Variants in ITFG1 observed in about 807,000 individuals in gnomAD.
ITFG1 encodes integrin alpha FG-GAP repeat containing 1.
Under a neutral mutation model 81.8 loss-of-function variants are expected in ITFG1, and 34 were observed. That is an observed-to-expected ratio of 0.42 (90% confidence interval 0.32 to 0.55). ITFG1 has a LOEUF of 0.55. Ranked by LOEUF, ITFG1 falls within the 20% of genes least tolerant of loss-of-function variation. The pLI is 0.17. For synonymous variants in ITFG1, 285 were observed against 270.6 expected (o/e 1.05, Z -0.52); for missense variants, 672 against 755.4 (o/e 0.89, Z 1.29).
intron 6 of ITFG1, among the ~76,000 whole-genome samples, chr16:47,399,296 G>A (rs990674771): frequency 6.6e-6 from 1 of 152,154 alleles, no homozygotes; most frequent in Non-Finnish European, 1.5e-5. Context: ...GAAAGTGGCC[G>A]GGTGCAGTGG....
chr16:47,368,012 C>A (rs898906368), intron 7 of ITFG1, among the ~76,000 whole-genome samples: 1 of 151,794 alleles, frequency 6.6e-6, no homozygotes, highest in Non-Finnish European at 1.5e-5. Context: ...TCGAGGCGGG[C>A]GGATCAGGTC....
chr16:47,455,050 G>C (rs1302485085), intron 2 of ITFG1, among the ~76,000 whole-genome samples: 1 of 152,074 alleles, frequency 6.6e-6, no homozygotes, highest in African/African-American at 2.4e-5. Context: ...TACAGTAATG[G>C]GTAAGGTTTT....
At chr16:47,273,332 T>C (rs1422158284) in intron 10 of ITFG1, among the ~76,000 whole-genome samples, 1 of 152,100 alleles carries the variant, frequency 6.6e-6, no homozygotes, top group African/African-American at 2.4e-5. Context: ...ATAAGTCCAT[T>C]AGGAATCCTC....
intron 10 of ITFG1, 54 bp from the exon 11 acceptor site, chr16:47,260,749 C>T (rs1246898006): frequency 5.7e-6 from 9 of 1,566,708 alleles, no homozygotes; most frequent in African/African-American, 5.4e-5. Context: ...ACTGTGGCAT[C>T]GGCTCTGTAG....
chr16:47,390,749 C>A (rs908984375), intron 6 of ITFG1, among the ~76,000 whole-genome samples: 2 of 152,068 alleles, frequency 1.3e-5, no homozygotes, highest in East Asian at 1.9e-4. Flanking sequence ...AGTGAGTGAC[C>A]GTGCCCGGCC....
At chr16:47,275,560 T>A (rs1415314745) in intron 10 of ITFG1, among the ~76,000 whole-genome samples, 1 of 152,100 alleles carries the variant, frequency 6.6e-6, no homozygotes, top group Non-Finnish European at 1.5e-5. Context: ...CTGTAGGAGA[T>A]CAATATATAA....
chr16:47,353,201 A>T (rs1354321225), intron 8 of ITFG1, among the ~76,000 whole-genome samples: 1 of 152,190 alleles, frequency 6.6e-6, no homozygotes, highest in Non-Finnish European at 1.5e-5. Context: ...CTAGAACTTA[A>T]AGTATAATTA....
intron 5 of ITFG1, among the ~76,000 whole-genome samples, chr16:47,447,041 C>T (rs910644547): frequency 1.3e-5 from 2 of 151,742 alleles, no homozygotes; most frequent in African/African-American, 4.8e-5. Flanking sequence ...TTTTCTTTTT[C>T]TTTGTATGTA....
intron 13 of ITFG1, among the ~76,000 whole-genome samples, chr16:47,234,590 A>G (rs1378464603): frequency 6.6e-6 from 1 of 152,208 alleles, no homozygotes; most frequent in East Asian, 1.9e-4. Context: ...TATTGAAAAA[A>G]TCTATACCCA....
intron 7 of ITFG1, among the ~76,000 whole-genome samples, chr16:47,373,546 G>T (rs946700168): frequency 6.6e-6 from 1 of 152,194 alleles, no homozygotes; most frequent in Non-Finnish European, 1.5e-5. Context: ...CTCCCAAAGT[G>T]ATGGGATTAC....
intron 10 of ITFG1, among the ~76,000 whole-genome samples, chr16:47,289,200 T>C (rs953674700): frequency 2.6e-5 from 4 of 152,204 alleles, no homozygotes; most frequent in Non-Finnish European, 4.4e-5. Flanking sequence ...TGGGATAAAT[T>C]CACTTTGAAC....
At chr16:47,159,220 G>T (rs1453580445) in intron 16 of ITFG1, among the ~76,000 whole-genome samples, 1 of 152,108 alleles carries the variant, frequency 6.6e-6, no homozygotes, top group African/African-American at 2.4e-5. Flanking sequence ...AACTGAAATA[G>T]AATTTTTGAT....
intron 5 of ITFG1, among the ~76,000 whole-genome samples, chr16:47,434,358 A>G (rs1197554198): frequency 6.9e-6 from 1 of 145,032 alleles, no homozygotes; most frequent in Non-Finnish European, 1.5e-5. Flanking sequence ...AATTTACAAG[A>G]AAAAAAAAAA....
chr16:47,183,216 A>AT (rs1405674341), intron 14 of ITFG1, among the ~76,000 whole-genome samples: 1 of 152,230 alleles, frequency 6.6e-6, no homozygotes, highest in Non-Finnish European at 1.5e-5. Flanking sequence ...GGTGCCCACC[A>AT]TTGCCCAGGC....
At position 47,314,099 on chromosome 16, in the gene ITFG1, C is replaced by T. The variant is rs534458685; in HGVS notation, c.803-276G>A. 9.9e-5 allele frequency among the ~76,000 whole-genome samples: 15 copies of T among 152,218 alleles called. 1 individual carries two copies. Among genetic ancestry groups the T allele is most frequent in the South Asian group, 6.2e-4 (3 of 4,820 alleles). ...GGCAAGGGCTGAAAAACTACTGGGTCCTATGCTATCTGGGTGATGGGATCA... is the reference window on the plus strand; with the variant it reads ...GGCAAGGGCTGAAAAACTACTGGGTTCTATGCTATCTGGGTGATGGGATCA... On this transcript the variant is annotated intron_variant, in intron 8 of 17. Transcript: ENST00000320640.
intron 10 of ITFG1, among the ~76,000 whole-genome samples, chr16:47,266,363 G>A (rs1033500552): frequency 1.3e-5 from 2 of 152,002 alleles, no homozygotes; most frequent in East Asian, 1.9e-4. Flanking sequence ...AATTACAGGC[G>A]CCTGCAATCA....
At chr16:47,380,438 A>C (rs1968381965) in intron 6 of ITFG1, among the ~76,000 whole-genome samples, 3 of 152,180 alleles carry the variant, frequency 2.0e-5, no homozygotes, top group Admixed American at 2.0e-4. Context: ...CTACGCCAAA[A>C]AGTAAGGTTA....
chr16:47,322,332 C>T (rs569779422), intron 8 of ITFG1, among the ~76,000 whole-genome samples: 2 of 152,186 alleles, frequency 1.3e-5, no homozygotes, highest in East Asian at 1.9e-4. Flanking sequence ...TTTGTAAAAA[C>T]AATTATTAAT....
intron 14 of ITFG1, among the ~76,000 whole-genome samples, chr16:47,207,144 G>A (rs1411032948): frequency 6.6e-6 from 1 of 151,962 alleles, no homozygotes; most frequent in Non-Finnish European, 1.5e-5. Context: ...GTGCAGTGGC[G>A]CCATCTCGGC....
Sources: allele counts gnomAD v4.1 joint callset (sites outside exome capture counted in the v4.1 genomes callset), GRCh38; gene constraint gnomAD v4.1.1; transcripts MANE v1.5; gene names NCBI Gene and HGNC (gene_info 2026-07-23, HGNC 2026-07-21).